Variants in PCDHGA7 observed in about 807,000 individuals in gnomAD.
PCDHGA7 encodes the protein protocadherin gamma-A7.
PCDHGA7 carries 44 observed loss-of-function variants against 58.3 expected under a neutral mutation model. That is an observed-to-expected ratio of 0.75 (90% CI 0.59 to 0.97). The LOEUF is 0.97. Among genes scored for constraint, PCDHGA7 ranks in the 50% least tolerant of loss-of-function variants. The pLI is 0.00. For synonymous variants in PCDHGA7, 516 were observed against 504.2 expected (o/e 1.02, Z -0.31); for missense variants, 1,266 against 1,188.7 (o/e 1.06, Z -0.96).
In PCDHGA7 at chr5:141,451,946, G is replaced by A. The variant is rs146934262; in HGVS notation, c.2425-42861G>A. On this transcript the variant is annotated intron_variant, in intron 1 of 3. Coordinates refer to ENST00000518325, the MANE Select transcript of PCDHGA7 (RefSeq NM_018920.4). ...GGAGGTAGGGAGGCAGGGAAAGACC[G>A]AGAAAGTGACATACCATCATTTTTG... Among the ~76,000 whole-genome samples, 240 of 152,218 alleles carry A rather than the reference G, an allele frequency of 1.6e-3. 1 individual carries two copies. Among genetic ancestry groups the A allele is most frequent in the Non-Finnish European group, 2.9e-3 (195 of 68,026 alleles).
chr5:141,397,846 A>G (rs1032127108), intron 1 of PCDHGA7: 3 of 528,344 alleles, frequency 5.7e-6, no homozygotes, highest in Non-Finnish European at 9.9e-6. Flanking sequence ...GAAGCCGCAG[A>G]GGCTGTAGTT....
In PCDHGA7 at chr5:141,486,531, C is replaced by T; in HGVS notation, c.2425-8276C>T. The T allele has an allele frequency of 6.2e-7, 1 of 1,614,062 alleles. No homozygotes were observed. Among genetic ancestry groups the T allele is most frequent in the Non-Finnish European group, 8.5e-7 (1 of 1,180,020 alleles). Reference sequence around the variant, plus strand: ...ATTTCAGATGTGAATGATAATCCACCCTCTTTCTTTCAGAGGTCACATGAG... The same window carrying T: ...ATTTCAGATGTGAATGATAATCCACTCTCTTTCTTTCAGAGGTCACATGAG... On this transcript the variant is annotated intron_variant, in intron 1 of 3. Transcript: ENST00000518325. This position sits in a 1 kb window ranked among gnomAD's most constrained non-coding sequence, Gnocchi z 5.0.
chr5:141,399,996 C>A (rs753801667), intron 1 of PCDHGA7: 5 of 1,612,402 alleles, frequency 3.1e-6, no homozygotes, highest in Non-Finnish European at 4.2e-6. Flanking sequence ...GAGAGGTGCG[C>A]ACAGCGCGTG....
At chr5:141,395,478 T>G in intron 1 of PCDHGA7, 1 of 546,140 alleles carries the variant, frequency 1.8e-6, no homozygotes, top group Non-Finnish European at 3.1e-6. Context: ...CAGTATTTTA[T>G]TCCTATTATC....
intron 1 of PCDHGA7, chr5:141,413,021 C>A: frequency 2.8e-6 from 2 of 714,374 alleles, no homozygotes; most frequent in Non-Finnish European, 4.4e-6. Context: ...TACACAAGCC[C>A]CACAAACCGG....
chr5:141,475,951 G>A, intron 1 of PCDHGA7: 4 of 766,902 alleles, frequency 5.2e-6, no homozygotes, highest in South Asian at 1.9e-5. Flanking sequence ...CCCTTTCTGC[G>A]CCCCGGGATG....
intron 1 of PCDHGA7, chr5:141,394,278 T>C: frequency 6.2e-7 from 1 of 1,613,924 alleles, no homozygotes; most frequent in Non-Finnish European, 8.5e-7. Context: ...CCAGGTCACT[T>C]ACTCTGTGAC....
At chr5:141,441,827 A>G (rs1344314632) in intron 1 of PCDHGA7, 1 of 355,628 alleles carries the variant, frequency 2.8e-6, no homozygotes, top group Non-Finnish European at 5.6e-6. Flanking sequence ...CTGGAGCGCA[A>G]TGGCTTCGCG....
intron 1 of PCDHGA7, chr5:141,395,106 A>G: frequency 3.1e-6 from 5 of 1,614,150 alleles, no homozygotes; most frequent in Admixed American, 3.3e-5. Flanking sequence ...CGACTCGCGG[A>G]AGAGTCACCT....
Position 141,491,420 on chromosome 5 carries a change from G to A in PCDHGA7, c.2425-3387G>A, listed in dbSNP as rs2099713954. 1.2e-6 allele frequency: 2 copies of A among 1,614,004 alleles called. No homozygotes were observed. The highest frequency in any genetic ancestry group is 2.2e-5 in the South Asian group (2 of 91,090). On this transcript the variant is annotated intron_variant, in intron 1 of 3. Transcript: ENST00000518325. This position sits in a 1 kb window ranked among gnomAD's most constrained non-coding sequence, Gnocchi z 6.9. ...GGAAACGCAGACGGGGACGGGGGTG[G>A]AGGGCAGTGCTGCAGGCGCCAGGAC...
chr5:141,433,358 C>CCTATCTAT (rs3074541), intron 1 of PCDHGA7: 29,853 of 503,480 alleles, frequency 0.059, 1,017 homozygotes, highest in East Asian at 0.071. Context: ...CTACTGTCTG[C>CCTATCTAT]CTATCTATCT....
At position 141,460,912 on chromosome 5, in the gene PCDHGA7, G is replaced by GTA. The variant is rs34683754; in HGVS notation, c.2425-33883_2425-33882dup. ...TCGTGGCTGAGTAATATTCCATGGT[G>GTA]TATATATATATATGTGTGTGTGTAT... On this transcript the variant is annotated intron_variant, in intron 1 of 3. Coordinates refer to ENST00000518325, the MANE Select transcript of PCDHGA7 (RefSeq NM_018920.4). Among the ~76,000 whole-genome samples, 731 of 149,318 alleles carry GTA rather than the reference G, an allele frequency of 4.9e-3. 9 individuals carry two copies. Among genetic ancestry groups the GTA allele is most frequent in the African/African-American group, 0.016 (631 of 40,624 alleles).
intron 1 of PCDHGA7, among the ~76,000 whole-genome samples, chr5:141,446,610 G>A (rs1167777615): frequency 6.6e-6 from 1 of 152,098 alleles, no homozygotes; most frequent in Non-Finnish European, 1.5e-5. Flanking sequence ...CTGAGTAGCT[G>A]GGACTACAGG....
At chr5:141,404,234 G>C (rs2094500908) in intron 1 of PCDHGA7, 1 of 1,613,652 alleles carries the variant, frequency 6.2e-7, no homozygotes, top group South Asian at 1.1e-5. Flanking sequence ...AACAGACAGA[G>C]GAACTCCGCC....
At chr5:141,406,908 A>G (rs1256233458) in intron 1 of PCDHGA7, among the ~76,000 whole-genome samples, 2 of 152,204 alleles carry the variant, frequency 1.3e-5, no homozygotes, top group Non-Finnish European at 2.9e-5. Flanking sequence ...GTTTTTAGCT[A>G]TAAGGAAGAG....
intron 1 of PCDHGA7, chr5:141,405,091 C>G (rs761186505): frequency 8.1e-6 from 13 of 1,613,814 alleles, no homozygotes; most frequent in Non-Finnish European, 1.1e-5. Flanking sequence ...CGCTGCTGGC[C>G]CTCAGGCTGA....
chr5:141,474,083 A>G (rs771906750), intron 1 of PCDHGA7, among the ~76,000 whole-genome samples: 2 of 152,190 alleles, frequency 1.3e-5, no homozygotes, highest in African/African-American at 2.4e-5. Flanking sequence ...AACAAAAACC[A>G]AAAAACAAAC....
intron 1 of PCDHGA7, among the ~76,000 whole-genome samples, chr5:141,457,620 A>G (rs2098925834): frequency 6.6e-6 from 1 of 152,234 alleles, no homozygotes; most frequent in Admixed American, 6.5e-5. Flanking sequence ...ATGAACTTTA[A>G]TCTTATACTT....
rs1208504589 is a variant in PCDHGA7, at chr5:141,431,631, T to C, written c.2424+46308T>C. On this transcript the variant is annotated intron_variant, in intron 1 of 3. Coordinates refer to ENST00000518325, the MANE Select transcript of PCDHGA7 (RefSeq NM_018920.4). The surrounding 1 kb of genome is among the most constrained non-coding windows in gnomAD (Gnocchi z 4.8). ...TATGTGGACGACAAGGCGGCCCAAG[T>C]TTTCAAACTAGATTGTAATTCAGGG... The C allele has an allele frequency of 6.2e-6, 10 of 1,614,132 alleles. No individual in the cohort carries two copies. Among genetic ancestry groups the C allele is most frequent in the Non-Finnish European group, 8.5e-6 (10 of 1,180,016 alleles).
Sources: gnomAD v4.1 joint callset for allele counts (sites outside exome capture counted in the v4.1 genomes callset) on GRCh38, gnomAD v4.1.1 for gene constraint, Gnocchi (gnomAD v3.1) non-coding constraint, MANE v1.5 for transcripts, NCBI Gene and HGNC (gene_info 2026-07-23, HGNC 2026-07-21) for gene names.